The following SH3GL2 variants were observed in gnomAD, a reference collection of about 807,000 sequenced individuals.
SH3GL2 encodes SH3 domain containing GRB2 like 2, endophilin A1, also known as endophilin-A1.
Under a neutral mutation model 46.0 loss-of-function variants are expected in SH3GL2, and 24 were observed. That is an observed-to-expected ratio of 0.52 (90% CI 0.38 to 0.73). The LOEUF (loss-of-function observed/expected upper bound fraction) is 0.73. Ranked by LOEUF, SH3GL2 falls within the 30% of genes least tolerant of loss-of-function variation. SH3GL2 has a pLI of 0.00. For missense variants in SH3GL2, 413 were observed against 424.2 expected (o/e 0.97, Z 0.23); for synonymous variants, 196 against 147.1 (o/e 1.33, Z -2.40).
chr9:17,657,677 T>A (rs1440732898), intron 1 of SH3GL2, among the ~76,000 whole-genome samples: 1 of 152,096 alleles, frequency 6.6e-6, no homozygotes, highest in Non-Finnish European at 1.5e-5. Context: ...TTTGTGGCAC[T>A]CACTCTGTGA....
Position 17,732,997 on chromosome 9 carries a change from C to T in SH3GL2, c.46-14069C>T, listed in dbSNP as rs140726246. On this transcript the variant is annotated intron_variant, in intron 1 of 8. Transcript: ENST00000380607. Reference sequence around the variant, plus strand: ...GACCATAGCATACCTGGTCACTTCACTCCCCACGTCCTTGGCAGTTCTTAC... The same window carrying T: ...GACCATAGCATACCTGGTCACTTCATTCCCCACGTCCTTGGCAGTTCTTAC... 1.4e-3 allele frequency among the ~76,000 whole-genome samples: 206 copies of T among 152,226 alleles called. 2 individuals are homozygous for T. Among genetic ancestry groups the T allele is most frequent in the African/African-American group, 4.8e-3 (200 of 41,564 alleles).
chr9:17,760,766 AAGAC>A (rs1391594992), intron 2 of SH3GL2, among the ~76,000 whole-genome samples: 4 of 152,164 alleles, frequency 2.6e-5, no homozygotes, highest in African/African-American at 7.2e-5. Context: ...TTCTTGGAGA[AAGAC>A]AGAGAGCACT....
chr9:17,598,935 G>T (rs1188107986), intron 1 of SH3GL2, among the ~76,000 whole-genome samples: 1 of 152,154 alleles, frequency 6.6e-6, no homozygotes, highest in African/African-American at 2.4e-5. Context: ...AGTTGGAATA[G>T]ACTTTAAATG....
intron 8 of SH3GL2, among the ~76,000 whole-genome samples, chr9:17,794,379 T>G (rs1824222253): frequency 6.6e-6 from 1 of 152,162 alleles, no homozygotes; most frequent in African/African-American, 2.4e-5. Flanking sequence ...GGAGACTTAT[T>G]AAGAAAAAAA....
At chr9:17,692,272 C>G (rs1588245071) in intron 1 of SH3GL2, among the ~76,000 whole-genome samples, 1 of 113,942 alleles carries the variant, frequency 8.8e-6, no homozygotes, top group African/African-American at 4.1e-5. Flanking sequence ...CAATGGTATT[C>G]TTATTTGCTT....
At position 17,689,482 on chromosome 9, in the gene SH3GL2, C is replaced by G. The variant is rs532309417; in HGVS notation, c.46-57584C>G. 3.3e-5 allele frequency among the ~76,000 whole-genome samples: 5 copies of G among 152,080 alleles called. No individual in the cohort carries two copies. In the South Asian group the frequency reaches 6.2e-4, roughly 19 times the overall value. On this transcript the variant is annotated intron_variant, in intron 1 of 8. Coordinates refer to ENST00000380607, the MANE Select transcript of SH3GL2 (RefSeq NM_003026.5). ...AATGTACAGTGCTAATAAGAGGGGACATACACATTTTAAAGCCCAGTGCAG... is the reference window on the plus strand; with the variant it reads ...AATGTACAGTGCTAATAAGAGGGGAGATACACATTTTAAAGCCCAGTGCAG...
chr9:17,595,017 T>C (rs1818545888), intron 1 of SH3GL2, among the ~76,000 whole-genome samples: 1 of 152,358 alleles, frequency 6.6e-6, no homozygotes, highest in Non-Finnish European at 1.5e-5. Context: ...CTTCCTTCAT[T>C]GTACAAATGG....
At chr9:17,675,880 G>A (rs1401369659) in intron 1 of SH3GL2, among the ~76,000 whole-genome samples, 2 of 152,236 alleles carry the variant, frequency 1.3e-5, no homozygotes, top group African/African-American at 4.8e-5. Context: ...GGGAGGTGGA[G>A]GTTGCAGTGA....
At chr9:17,676,951 A>T (rs905140354) in intron 1 of SH3GL2, among the ~76,000 whole-genome samples, 3 of 152,082 alleles carry the variant, frequency 2.0e-5, no homozygotes, top group African/African-American at 7.2e-5. Context: ...TATGCCATAA[A>T]TTCCTTCATC....
chr9:17,621,487 AT>A (rs1182205006), intron 1 of SH3GL2, among the ~76,000 whole-genome samples: 1 of 152,198 alleles, frequency 6.6e-6, no homozygotes, highest in African/African-American at 2.4e-5. Context: ...ATGACTTTGT[AT>A]CCTGTGTCTT....
chr9:17,609,139 A>G (rs374434664), intron 1 of SH3GL2, among the ~76,000 whole-genome samples: 221 of 152,330 alleles, frequency 1.5e-3, no homozygotes, highest in African/African-American at 3.9e-3. Context: ...TTAATAAACA[A>G]TAATTCTCAC....
chr9:17,765,954 C>T (rs1038685935), intron 3 of SH3GL2, among the ~76,000 whole-genome samples: 7 of 152,298 alleles, frequency 4.6e-5, no homozygotes, highest in African/African-American at 1.7e-4. Flanking sequence ...TTCTCTAATA[C>T]AAAAAGTAGG....
chr9:17,787,813 G>A (rs1273573746), intron 5 of SH3GL2, among the ~76,000 whole-genome samples: 1 of 152,100 alleles, frequency 6.6e-6, no homozygotes, highest in African/African-American at 2.4e-5. Context: ...AGAATACACA[G>A]TTTTGTTAAT....
chr9:17,730,122 C>T (rs896836488), intron 1 of SH3GL2, among the ~76,000 whole-genome samples: 1 of 152,054 alleles, frequency 6.6e-6, no homozygotes, highest in Admixed American at 6.6e-5. Context: ...TTGTTTGTGT[C>T]CTCTCTTATT....
chr9:17,713,745 C>A (rs543786018), intron 1 of SH3GL2, among the ~76,000 whole-genome samples: 1 of 151,594 alleles, frequency 6.6e-6, no homozygotes, highest in Admixed American at 6.6e-5. Context: ...AGAGAAAATA[C>A]GTTATAGAAC....
At chr9:17,775,475 T>C (rs1823616856) in intron 3 of SH3GL2, among the ~76,000 whole-genome samples, 2 of 152,232 alleles carry the variant, frequency 1.3e-5, no homozygotes, top group Admixed American at 6.5e-5. Context: ...GTACGCATTA[T>C]ATATGTAGTA....
chr9:17,635,545 C>G (rs746418535), intron 1 of SH3GL2, among the ~76,000 whole-genome samples: 15 of 152,136 alleles, frequency 9.9e-5, no homozygotes, highest in Non-Finnish European at 2.1e-4. Context: ...TCTGTAAGAG[C>G]TCAATTTAAT....
chr9:17,664,068 G>A (rs1400540564), intron 1 of SH3GL2, among the ~76,000 whole-genome samples: 1 of 152,068 alleles, frequency 6.6e-6, no homozygotes, highest in East Asian at 1.9e-4. Context: ...ATATCCTGTG[G>A]AAATAGTTTT....
At position 17,740,125 on chromosome 9, in the gene SH3GL2, C is replaced by T. The variant is rs1822482129; in HGVS notation, c.46-6941C>T. On this transcript the variant is annotated intron_variant, in intron 1 of 8. Transcript: ENST00000380607. ...AAACTTTCCAATTTTCTTAAATATA[C>T]AATTTTTTGATAGTGAGAAATAAAA... is the stretch of plus-strand genomic sequence containing the variant. Among the ~76,000 whole-genome samples, 8 of 151,942 alleles carry T rather than the reference C, an allele frequency of 5.3e-5. No homozygotes were observed. The South Asian group carries it at 1.7e-3, about 32-fold the overall frequency.
Sources: gnomAD v4.1 joint callset for allele counts (sites outside exome capture counted in the v4.1 genomes callset) on GRCh38, gnomAD v4.1.1 for gene constraint, MANE v1.5 for transcripts, NCBI Gene and HGNC (gene_info 2026-07-23, HGNC 2026-07-21) for gene names.